Variants in MAST4 observed in about 807,000 individuals in gnomAD.
The protein encoded by MAST4 is microtubule associated serine/threonine kinase family member 4.
A neutral mutation model predicts 162.7 loss-of-function variants in MAST4; 89 were observed. That is an observed-to-expected ratio of 0.55 (90% CI 0.46 to 0.65). The LOEUF (loss-of-function observed/expected upper bound fraction) is 0.65, where lower values mean the gene tolerates loss of function less well. MAST4 is among the 30% of genes least tolerant of loss of function. The pLI is 0.00. For missense variants in MAST4, 3,153 were observed against 3,374.0 expected (o/e 0.93, Z 1.62); for synonymous variants, 1,479 against 1,361.1 (o/e 1.09, Z -1.91).
rs77215095 is a variant in MAST4, at chr5:67,098,898, C to T, written c.913-1537C>T. Among the ~76,000 whole-genome samples the T allele has an allele frequency of 1.2e-4, 18 of 152,206 alleles. No homozygotes were observed. In the East Asian group the frequency reaches 3.5e-3, roughly 29 times the overall value. On this transcript the variant is annotated intron_variant, in intron 7 of 28. Coordinates refer to ENST00000403625, the MANE Select transcript of MAST4 (RefSeq NM_001164664.2). Reference sequence around the variant, plus strand: ...ATAATCAAATATATTAATATTTCTGCAGCAGTTTGAATCAACATTCATACT... The same window carrying T: ...ATAATCAAATATATTAATATTTCTGTAGCAGTTTGAATCAACATTCATACT...
intron 4 of MAST4, among the ~76,000 whole-genome samples, chr5:66,902,236 A>G (rs1251757073): frequency 1.3e-5 from 2 of 152,192 alleles, no homozygotes; most frequent in Non-Finnish European, 2.9e-5. Flanking sequence ...TTATACAGCA[A>G]TGTGATCCAA....
At chr5:67,105,797 G>A (rs1300212022) in intron 10 of MAST4, among the ~76,000 whole-genome samples, 3 of 152,156 alleles carry the variant, frequency 2.0e-5, no homozygotes, top group Non-Finnish European at 2.9e-5. Flanking sequence ...AGATGACATC[G>A]TGGACTGTTC....
intron 1 of MAST4, among the ~76,000 whole-genome samples, chr5:66,658,564 A>G (rs1446237226): frequency 1.3e-5 from 2 of 152,266 alleles, no homozygotes; most frequent in Non-Finnish European, 2.9e-5. Context: ...ATGAATTTGC[A>G]GAAAAGCAGC....
intron 4 of MAST4, among the ~76,000 whole-genome samples, chr5:67,025,529 A>T (rs1359486010): frequency 2.6e-5 from 4 of 152,184 alleles, no homozygotes; most frequent in Non-Finnish European, 5.9e-5. Context: ...CCAGGTCAGA[A>T]GTTCTCTGGT....
chr5:66,771,694 T>C (rs1249054278), intron 2 of MAST4, among the ~76,000 whole-genome samples: 1 of 151,988 alleles, frequency 6.6e-6, no homozygotes, highest in African/African-American at 2.4e-5. Flanking sequence ...TGAATCCATA[T>C]ATTAAAAATC....
rs572710222 is a variant in MAST4 at position 66,964,968 on chromosome 5, G to A, written c.674+64986G>A. Among the ~76,000 whole-genome samples the A allele has an allele frequency of 3.3e-5, 5 of 152,306 alleles. No homozygotes were observed. The South Asian group carries it at 1.0e-3, about 32-fold the overall frequency. The stretch of plus-strand genomic sequence containing the variant: ...AAATATTAACTTACAAGCTTTAGAT[G>A]ATATCAGTGGGACAATTTAACAAAT... On this transcript the variant is annotated intron_variant, in intron 4 of 28. Coordinates refer to ENST00000403625, the MANE Select transcript of MAST4 (RefSeq NM_001164664.2).
chr5:66,617,472 GTTA>G lies in MAST4; in HGVS notation c.363+20457_363+20459del, dbSNP rs1431487019. On this transcript the variant is annotated intron_variant, in intron 1 of 28. Coordinates refer to ENST00000403625, the MANE Select transcript of MAST4 (RefSeq NM_001164664.2). ...TTTGGGTCAGTAAAAGCAGAGAAGG[GTTA>G]TTTTTTTTTTTCCTTTTAAAAGTTT... is the stretch of plus-strand genomic sequence containing the variant. 2.1e-5 allele frequency among the ~76,000 whole-genome samples: 3 copies of G among 141,482 alleles called. No homozygotes were observed. The Admixed American group carries it at 2.2e-4, about 10-fold the overall frequency. The allele number at this position is 141,482 out of a possible 152,430, so 92.8% of individuals were successfully genotyped here.
intron 1 of MAST4, among the ~76,000 whole-genome samples, chr5:66,718,766 T>C (rs1274440981): frequency 6.6e-6 from 1 of 152,200 alleles, no homozygotes; most frequent in Non-Finnish European, 1.5e-5. Flanking sequence ...TCTTCCTCTT[T>C]TGTATCATGC....
intron 4 of MAST4, chr5:67,004,004 G>A (rs776180392): frequency 1.3e-5 from 2 of 152,278 alleles, no homozygotes; most frequent in African/African-American, 2.4e-5. Flanking sequence ...TGGCGGAGGA[G>A]TCACTGTGGA....
At chr5:66,958,257 C>T (rs1412839449) in intron 4 of MAST4, among the ~76,000 whole-genome samples, 1 of 152,114 alleles carries the variant, frequency 6.6e-6, no homozygotes, top group Non-Finnish European at 1.5e-5. Context: ...TTCTTTTCAA[C>T]AAACCAGGGG....
Position 67,166,874 on chromosome 5 carries a change from T to C in MAST4, c.7695T>C (p.Pro2565=), listed in dbSNP as rs1774083128. ...TAGGGGAAACCAAAGGGAAGGACCC[T>C]GCCCCAGCCCAGCCTCCCCCAGCTA... ...ATVGETKGKD[P]APAQPPPARK... is the part of the protein sequence containing the mutation. The change falls in exon 29 of 29, where the codon CCT becomes CCC. Residue 2565 remains proline, a synonymous_variant. Transcript: ENST00000403625. 6.2e-7 allele frequency: 1 copy of C among 1,608,264 alleles called. No homozygotes were observed. The highest frequency in any genetic ancestry group is 1.3e-5 in the African/African-American group (1 of 74,636).
intron 4 of MAST4, among the ~76,000 whole-genome samples, chr5:66,938,168 G>A (rs1032490593): frequency 6.6e-6 from 1 of 151,908 alleles, no homozygotes; most frequent in African/African-American, 2.4e-5. Flanking sequence ...ATATTGCCTA[G>A]AATCTTATTC....
chr5:66,851,950 A>G (rs1433693608), intron 3 of MAST4, among the ~76,000 whole-genome samples: 2 of 152,180 alleles, frequency 1.3e-5, no homozygotes, highest in Non-Finnish European at 2.9e-5. Context: ...GTTATCTGAC[A>G]TTAGCTAAAC....
At chr5:67,148,936 A>G (rs1771435899) in intron 23 of MAST4, among the ~76,000 whole-genome samples, 1 of 152,196 alleles carries the variant, frequency 6.6e-6, no homozygotes, top group Non-Finnish European at 1.5e-5. Context: ...AATTAACAGC[A>G]TTGATAATGA....
intron 1 of MAST4, among the ~76,000 whole-genome samples, chr5:66,597,627 C>T (rs751421095): frequency 2.2e-4 from 33 of 152,206 alleles, no homozygotes; most frequent in Admixed American, 4.6e-4. Flanking sequence ...CTGCAGCTCC[C>T]GTTCAGACTT....
intron 3 of MAST4, among the ~76,000 whole-genome samples, chr5:66,897,278 C>T (rs941197764): frequency 2.6e-5 from 4 of 152,186 alleles, no homozygotes; most frequent in Non-Finnish European, 4.4e-5. Context: ...AATACCACGT[C>T]TTATCTAATT....
chr5:66,613,921 A>G (rs1743464327), intron 1 of MAST4, among the ~76,000 whole-genome samples: 1 of 144,130 alleles, frequency 6.9e-6, no homozygotes, highest in African/African-American at 2.7e-5. Flanking sequence ...AGTGGATGCC[A>G]GTCATGGTTT....
chr5:67,109,258 A>C (rs1048564956), intron 10 of MAST4, among the ~76,000 whole-genome samples: 1 of 152,148 alleles, frequency 6.6e-6, no homozygotes, highest in African/African-American at 2.4e-5. Flanking sequence ...TGAGCATTCA[A>C]ATTCCAAAAT....
At chr5:66,834,455 A>G (rs1426814497) in intron 3 of MAST4, among the ~76,000 whole-genome samples, 1 of 152,176 alleles carries the variant, frequency 6.6e-6, no homozygotes, top group African/African-American at 2.4e-5. Context: ...CAGCTTAGAC[A>G]CCAGAGGGAA....
Sources: gnomAD v4.1 joint callset for allele counts (sites outside exome capture counted in the v4.1 genomes callset) on GRCh38, gnomAD v4.1.1 for gene constraint, MANE v1.5 for transcripts, NCBI Gene and HGNC (gene_info 2026-07-23, HGNC 2026-07-21) for gene names.